KDM6A: variants seen among roughly 807,000 people sequenced by gnomAD.
KDM6A encodes the protein lysine-specific demethylase 6A.
In KDM6A, 11 loss-of-function variants were observed where a neutral mutation model predicts 117.6. The observed-to-expected ratio is 0.09, with a 90% CI of 0.06 to 0.15. The LOEUF (loss-of-function observed/expected upper bound fraction) is 0.15, where lower values mean the gene tolerates loss of function less well. Among genes scored for constraint, KDM6A ranks in the 10% least tolerant of loss-of-function variants. The pLI, the probability that KDM6A is intolerant of heterozygous loss-of-function variation, is 1.00. For synonymous variants in KDM6A, 384 were observed against 396.1 expected, an observed-to-expected ratio of 0.97 and a Z score of 0.36; for missense variants, 799 against 1,077.3, an observed-to-expected ratio of 0.74 and a Z score of 3.62.
At chrX:44,995,187 C>CT (rs941361339) in intron 4 of KDM6A, among the ~76,000 whole-genome samples, 4 of 111,025 alleles carry the variant, frequency 3.6e-5, no homozygotes, top group Admixed American at 9.6e-5. Flanking sequence ...GGGTACAACT[C>CT]TGTGTGGTAC....
intron 18 of KDM6A, among the ~76,000 whole-genome samples, chrX:45,076,377 G>A (rs905423543): frequency 3.6e-5 from 4 of 111,418 alleles, no homozygotes; most frequent in Non-Finnish European, 7.6e-5. Context: ...GAATGTGATG[G>A]TAGAGAGGAA....
intron 2 of KDM6A, among the ~76,000 whole-genome samples, chrX:44,912,823 CA>C (rs2035294532): frequency 8.9e-6 from 1 of 112,238 alleles, no homozygotes; most frequent in Non-Finnish European, 1.9e-5. Flanking sequence ...TGCACTCCTG[CA>C]TATTGATTAT....
intron 2 of KDM6A, among the ~76,000 whole-genome samples, chrX:44,885,036 A>ATT (rs753134380): frequency 3.2e-5 from 3 of 93,588 alleles, no homozygotes; most frequent in East Asian, 6.6e-4. Context: ...CATCATTTCT[A>ATT]TTTTTTTTTT....
chrX:45,026,978 T>C (rs1410789353), intron 6 of KDM6A, among the ~76,000 whole-genome samples: 1 of 111,939 alleles, frequency 8.9e-6, no homozygotes, highest in Admixed American at 9.5e-5. Context: ...TTTAATAGTA[T>C]ATTTTTGTTA....
intron 8 of KDM6A, among the ~76,000 whole-genome samples, chrX:45,040,669 G>A (rs2147824988): frequency 1.3e-5 from 1 of 78,759 alleles, no homozygotes; most frequent in African/African-American, 5.0e-5. Context: ...GGCCGGGCGG[G>A]GGGCTGACCC....
chrX:45,029,704 A>T (rs2042528732), intron 6 of KDM6A, among the ~76,000 whole-genome samples: 1 of 111,322 alleles, frequency 9.0e-6, no homozygotes, highest in South Asian at 3.8e-4. Flanking sequence ...ACCTTGTATT[A>T]GTTATTTGTG....
intron 8 of KDM6A, among the ~76,000 whole-genome samples, chrX:45,042,651 AGG>A (rs2043324983): frequency 1.9e-5 from 2 of 105,537 alleles, no homozygotes; most frequent in South Asian, 8.2e-4. Flanking sequence ...TTCTCTACAT[AGG>A]AAGAAGTTTC....
intron 2 of KDM6A, among the ~76,000 whole-genome samples, chrX:44,905,730 T>A (rs1048598968): frequency 3.6e-5 from 4 of 112,542 alleles, no homozygotes; most frequent in African/African-American, 1.3e-4. Flanking sequence ...CTTTTGGCTT[T>A]ATAAAGATTG....
rs150764682 is a variant in KDM6A, at chrX:44,921,657, T to A, written c.226-39627T>A. ...TATATTAGTAGTCTGCTCTTATTGC[T>A]GAGTTATATTCTATGGTTATGGATA... On this transcript the variant is annotated intron_variant, in intron 2 of 29. Coordinates refer to ENST00000611820, the MANE Select transcript of KDM6A (RefSeq NM_001291415.2). Among the ~76,000 whole-genome samples, 354 of 111,669 alleles carry A rather than the reference T, an allele frequency of 3.2e-3. 2 individuals carry two copies. The highest frequency in any genetic ancestry group is 0.011 in the African/African-American group (343 of 30,783).
intron 4 of KDM6A, among the ~76,000 whole-genome samples, chrX:45,005,105 A>G (rs926766150): frequency 9.0e-6 from 1 of 111,009 alleles, no homozygotes; most frequent in African/African-American, 3.3e-5. Flanking sequence ...AATTCTGAAT[A>G]TCTTTTTTAC....
At chrX:44,959,459 G>A (rs2038550434) in intron 2 of KDM6A, among the ~76,000 whole-genome samples, 2 of 109,848 alleles carry the variant, frequency 1.8e-5, no homozygotes, top group South Asian at 7.6e-4. Context: ...AAGTAAATTT[G>A]TGTTTATGTC....
At chrX:45,013,419 G>C (rs2041846805) in intron 5 of KDM6A, among the ~76,000 whole-genome samples, 1 of 111,875 alleles carries the variant, frequency 8.9e-6, no homozygotes, top group South Asian at 3.7e-4. Flanking sequence ...AAGCCTCTCT[G>C]TGTACTGGGG....
intron 2 of KDM6A, among the ~76,000 whole-genome samples, chrX:44,928,359 G>A (rs2036426190): frequency 8.9e-6 from 1 of 111,947 alleles, no homozygotes; most frequent in African/African-American, 3.2e-5. Flanking sequence ...TGAATCTAGT[G>A]TATTACAGTT....
chrX:45,022,010 T>A (rs1484621001), intron 6 of KDM6A, among the ~76,000 whole-genome samples: 1 of 112,408 alleles, frequency 8.9e-6, no homozygotes, highest in East Asian at 2.8e-4. Context: ...AAATGTCTTA[T>A]AATACAGAAT....
chrX:44,953,743 A>G (rs2038155244), intron 2 of KDM6A, among the ~76,000 whole-genome samples: 1 of 111,896 alleles, frequency 8.9e-6, no homozygotes, highest in African/African-American at 3.3e-5. Context: ...TTAAAAGGAA[A>G]AAGTCTGCAA....
chrX:44,900,141 G>A (rs1485582753), intron 2 of KDM6A, among the ~76,000 whole-genome samples: 1 of 112,314 alleles, frequency 8.9e-6, no homozygotes, highest in Non-Finnish European at 1.9e-5. Flanking sequence ...TTACTCTTTA[G>A]TTTCCTATGC....
intron 21 of KDM6A, among the ~76,000 whole-genome samples, chrX:45,082,063 G>C (rs1219837889): frequency 9.1e-6 from 1 of 110,455 alleles, no homozygotes; most frequent in Non-Finnish European, 1.9e-5. Flanking sequence ...ACAGGCATGA[G>C]CCACTGTGCC....
At chrX:45,012,077 C>T (rs1465189263) in intron 5 of KDM6A, among the ~76,000 whole-genome samples, 1 of 110,325 alleles carries the variant, frequency 9.1e-6, no homozygotes, top group Non-Finnish European at 1.9e-5. Flanking sequence ...CATGAGCCCC[C>T]ACGCTGGCAT....
intron 6 of KDM6A, among the ~76,000 whole-genome samples, chrX:45,026,976 T>C (rs1209835368): frequency 1.3e-4 from 15 of 111,911 alleles, no homozygotes; most frequent in Non-Finnish European, 2.8e-4. Context: ...ATTTTAATAG[T>C]ATATTTTTGT....
Sources: allele counts gnomAD v4.1 joint callset (sites outside exome capture counted in the v4.1 genomes callset), GRCh38; gene constraint gnomAD v4.1.1; transcripts MANE v1.5; gene names NCBI Gene and HGNC (gene_info 2026-07-23, HGNC 2026-07-21).